The following DGKI variants were observed in gnomAD, a reference collection of about 807,000 sequenced individuals.
The protein encoded by DGKI is DAG kinase iota.
DGKI carries 55 observed loss-of-function variants against 147.5 expected under a neutral mutation model. The observed-to-expected ratio is 0.37, with a 90% CI of 0.30 to 0.47. DGKI has a LOEUF of 0.47. Ranked by LOEUF, DGKI falls within the 20% of genes least tolerant of loss-of-function variation. DGKI has a pLI of 1.00. For missense variants in DGKI, 1,007 were observed against 1,323.8 expected (o/e 0.76, Z 3.71); for synonymous variants, 469 against 477.1 (o/e 0.98, Z 0.22).
rs1798409181 is a variant in DGKI, at chr7:137,837,198, A to T, written c.401+9264T>A. Reference sequence around the variant, plus strand: ...TAATTGACGGTCCAGTGAAATCCCAAATGTAAAATATTTAGCAGCTCTTGA... The same window carrying T: ...TAATTGACGGTCCAGTGAAATCCCATATGTAAAATATTTAGCAGCTCTTGA... On this transcript the variant is annotated intron_variant, in intron 1 of 32. Transcript: ENST00000614521. Among the ~76,000 whole-genome samples the T allele has an allele frequency of 2.0e-5, 3 of 152,344 alleles. No homozygotes were observed. In the South Asian group the frequency reaches 6.2e-4, roughly 32 times the overall value.
At chr7:137,585,184 T>C (rs775281798) in intron 14 of DGKI, 25 bp downstream of exon 14, 49 of 1,613,546 alleles carry the variant, frequency 3.0e-5, no homozygotes, top group Non-Finnish European at 3.8e-5. Flanking sequence ...AGGGCTCCTT[T>C]CTGCAGAACA....
At chr7:137,836,442 A>T (rs765073878) in intron 1 of DGKI, among the ~76,000 whole-genome samples, 47 of 152,326 alleles carry the variant, frequency 3.1e-4, no homozygotes, top group Admixed American at 5.9e-4. Flanking sequence ...AAGGTAAAAG[A>T]CCAGACTCTT....
chr7:137,758,736 C>T (rs558223039), intron 1 of DGKI, among the ~76,000 whole-genome samples: 3 of 151,650 alleles, frequency 2.0e-5, no homozygotes, highest in Non-Finnish European at 4.4e-5. Flanking sequence ...CTCAGTCTGA[C>T]GTATCAGACT....
At chr7:137,618,811 T>C (rs1820639764) in intron 8 of DGKI, among the ~76,000 whole-genome samples, 1 of 152,206 alleles carries the variant, frequency 6.6e-6, no homozygotes, top group South Asian at 2.1e-4. Context: ...TCCTCATTTT[T>C]TAATATGTAG....
intron 22 of DGKI, 79 bp downstream of exon 22, chr7:137,487,531 G>A: frequency 7.7e-7 from 1 of 1,293,190 alleles, no homozygotes; most frequent in East Asian, 2.3e-5. Flanking sequence ...CATCATTTCA[G>A]AAGCAAATAT....
At chr7:137,483,830 T>C (rs1815457842) in intron 23 of DGKI, among the ~76,000 whole-genome samples, 1 of 152,122 alleles carries the variant, frequency 6.6e-6, no homozygotes, top group Admixed American at 6.6e-5. Flanking sequence ...CCACACTTTC[T>C]TTATCCAGTC....
intron 1 of DGKI, among the ~76,000 whole-genome samples, chr7:137,799,529 C>T (rs970112945): frequency 1.3e-5 from 2 of 152,132 alleles, no homozygotes; most frequent in African/African-American, 4.8e-5. Context: ...TCATTATTAA[C>T]AAAACCAGTC....
At chr7:137,726,110 C>T (rs914363529) in intron 1 of DGKI, among the ~76,000 whole-genome samples, 5 of 152,164 alleles carry the variant, frequency 3.3e-5, no homozygotes, top group Non-Finnish European at 5.9e-5. Flanking sequence ...TTATAACTAC[C>T]ATGCACCAAA....
intron 1 of DGKI, among the ~76,000 whole-genome samples, chr7:137,715,837 G>T (rs547570517): frequency 6.6e-6 from 1 of 152,264 alleles, no homozygotes; most frequent in Admixed American, 6.5e-5. Context: ...TAAGAGAGAA[G>T]TAGGGAAGTC....
At chr7:137,687,800 C>T (rs921618224) in intron 2 of DGKI, among the ~76,000 whole-genome samples, 5 of 152,144 alleles carry the variant, frequency 3.3e-5, no homozygotes, top group African/African-American at 1.2e-4. Flanking sequence ...TCGGTTTTCC[C>T]ACCATTGTTA....
rs1811101896 is a variant in DGKI at position 137,383,266 on chromosome 7, A to G, written c.*7954T>C. 6.6e-6 allele frequency: 1 copy of G among 150,878 alleles called. No individual in the cohort carries two copies. The highest frequency in any genetic ancestry group is 2.1e-4 in the South Asian group (1 of 4,756). The allele number at this position is 150,878 out of a possible 1,614,324, so 9.3% of individuals were successfully genotyped here. A position where few individuals can be genotyped will look rare whatever the true frequency, so the allele number is the denominator to read the frequency against. ...TCCAAATCTCCTAAATTGGCTAACA[A>G]TTGGCAAAAATGCTAGCCAATTCCC... is the stretch of plus-strand genomic sequence containing the variant. On this transcript the variant is annotated 3_prime_UTR_variant, in exon 33 of 33. Transcript: ENST00000614521.
chr7:137,466,055 C>A lies in DGKI; in HGVS notation c.2485-20G>T. ...ATGTTCCTAAAGAAGAACAAGAAGT[C>A]TGTTGCATGAAGAATAACAAAACAA... On this transcript the variant is annotated intron_variant, in intron 25 of 32. Coordinates refer to ENST00000614521, the MANE Select transcript of DGKI (RefSeq NM_001321708.2). 1 of 1,612,236 alleles carries A rather than the reference C, an allele frequency of 6.2e-7. No homozygotes were observed. The highest frequency in any genetic ancestry group is 1.1e-5 in the South Asian group (1 of 90,800).
In DGKI at chr7:137,663,436, AT is replaced by A. The variant is rs531740867; in HGVS notation, c.607-6897del. Reference sequence around the variant, plus strand: ...GCTTAAAATATGTATATTCAAAAAAATCAAAGGCATTCCAGCAGGAAAAAGA... The same window carrying A: ...GCTTAAAATATGTATATTCAAAAAAACAAAGGCATTCCAGCAGGAAAAAGA... On this transcript the variant is annotated intron_variant, in intron 3 of 32. Transcript: ENST00000614521. Among the ~76,000 whole-genome samples, 6 of 152,364 alleles carry A rather than the reference AT, an allele frequency of 3.9e-5. No individual in the cohort carries two copies. The South Asian group carries it at 1.2e-3, about 32-fold the overall frequency.
chr7:137,526,320 A>T (rs376770751), intron 20 of DGKI, among the ~76,000 whole-genome samples: 2 of 151,904 alleles, frequency 1.3e-5, no homozygotes, highest in African/African-American at 2.4e-5. Context: ...TCCATGGAAC[A>T]TCTCAAACTC....
At chr7:137,527,992 T>G (rs1817211029) in intron 20 of DGKI, among the ~76,000 whole-genome samples, 1 of 152,214 alleles carries the variant, frequency 6.6e-6, no homozygotes, top group Admixed American at 6.5e-5. Context: ...TCCTCCTCTT[T>G]GCAGCTCCAG....
chr7:137,672,719 C>A (rs1563143378), intron 3 of DGKI, among the ~76,000 whole-genome samples: 1 of 150,930 alleles, frequency 6.6e-6, no homozygotes, highest in Non-Finnish European at 1.5e-5. Flanking sequence ...TAATTCCTGC[C>A]CCCATCACCA....
At chr7:137,674,259 T>G (rs1311485456) in intron 3 of DGKI, among the ~76,000 whole-genome samples, 1 of 152,178 alleles carries the variant, frequency 6.6e-6, no homozygotes, top group African/African-American at 2.4e-5. Context: ...CAGGAAAAGG[T>G]CACGTGGTTT....
At chr7:137,725,875 C>G (rs1445484816) in intron 1 of DGKI, among the ~76,000 whole-genome samples, 1 of 152,088 alleles carries the variant, frequency 6.6e-6, no homozygotes, top group African/African-American at 2.4e-5. Context: ...TTTATTAGAC[C>G]CAACGTGATT....
chr7:137,608,476 TAAG>T (rs1027629870), intron 10 of DGKI, among the ~76,000 whole-genome samples: 1 of 152,180 alleles, frequency 6.6e-6, no homozygotes, highest in African/African-American at 2.4e-5. Context: ...AGTGAAACCT[TAAG>T]AAGTTGATAT....
Sources: gnomAD v4.1 joint callset for allele counts (sites outside exome capture counted in the v4.1 genomes callset) on GRCh38, gnomAD v4.1.1 for gene constraint, MANE v1.5 for transcripts, NCBI Gene and HGNC (gene_info 2026-07-23, HGNC 2026-07-21) for gene names.